The following SGIP1 variants were observed in gnomAD, a reference collection of about 807,000 sequenced individuals.
The protein encoded by SGIP1 is SH3GL interacting endocytic adaptor 1.
A neutral mutation model predicts 107.5 loss-of-function variants in SGIP1; 38 were observed. That is an observed-to-expected ratio of 0.35 (90% CI 0.27 to 0.46). SGIP1 has a LOEUF of 0.46. SGIP1 is among the 20% of genes least tolerant of loss of function. The pLI, the probability that SGIP1 is intolerant of heterozygous loss-of-function variation, is 1.00. For missense variants in SGIP1, 929 were observed against 1,019.5 expected, an observed-to-expected ratio of 0.91 and a Z score of 1.21; for synonymous variants, 365 against 366.1, an observed-to-expected ratio of 1.00 and a Z score of 0.03.
intron 3 of SGIP1, chr1:66,633,955 C>A: frequency 1.4e-6 from 1 of 737,888 alleles, no homozygotes; most frequent in South Asian, 1.8e-5. Context: ...TCCTTCCACA[C>A]TTGACTCAAG....
chr1:66,563,502 C>G (rs2059244163), intron 1 of SGIP1, among the ~76,000 whole-genome samples: 1 of 152,016 alleles, frequency 6.6e-6, no homozygotes, highest in Non-Finnish European at 1.5e-5. Context: ...GACTGTGACC[C>G]TGGCTCTCCA....
At chr1:66,734,528 A>G (rs2150651563) in intron 21 of SGIP1, among the ~76,000 whole-genome samples, 1 of 145,648 alleles carries the variant, frequency 6.9e-6, no homozygotes, top group African/African-American at 2.5e-5. Flanking sequence ...TTTTTGAGAC[A>G]GAGTCTCACC....
rs759541250 is a variant in SGIP1, at chr1:66,750,606, CAA to C, written c.*7512_*7513del. Among the ~76,000 whole-genome samples, 24 of 152,172 alleles carry C rather than the reference CAA, an allele frequency of 1.6e-4. No homozygotes were observed. Among genetic ancestry groups the C allele is most frequent in the Admixed American group, 2.6e-4 (4 of 15,282 alleles). On this transcript the variant is annotated 3_prime_UTR_variant, in exon 25 of 25. Coordinates refer to ENST00000371037, the MANE Select transcript of SGIP1 (RefSeq NM_032291.4). Reference sequence around the variant, plus strand: ...TTACAAAACTGTGAATTAAAATACTCAAGATACTTTCAAAATTTAGTCAAAAT... The same window carrying C: ...TTACAAAACTGTGAATTAAAATACTCGATACTTTCAAAATTTAGTCAAAAT...
intron 9 of SGIP1, among the ~76,000 whole-genome samples, chr1:66,670,240 C>G (rs1306434484): frequency 6.6e-6 from 1 of 152,218 alleles, no homozygotes; most frequent in East Asian, 1.9e-4. Flanking sequence ...AACTCTTAAT[C>G]TAATCAATCC....
chr1:66,566,651 A>G (rs2059681634), intron 1 of SGIP1, among the ~76,000 whole-genome samples: 1 of 151,950 alleles, frequency 6.6e-6, no homozygotes, highest in South Asian at 2.1e-4. Flanking sequence ...TATAAAACAT[A>G]GAATGTTTTA....
chr1:66,617,276 A>G (rs1409862110), intron 1 of SGIP1, among the ~76,000 whole-genome samples: 4 of 152,100 alleles, frequency 2.6e-5, no homozygotes, highest in African/African-American at 9.7e-5. Flanking sequence ...CATCTCTTAT[A>G]CCCTAGGCAG....
chr1:66,740,594 A>AG, intron 22 of SGIP1, 64 bp from the exon 23 acceptor site: 1 of 1,012,484 alleles, frequency 9.9e-7, no homozygotes, highest in Non-Finnish European at 1.5e-6. Flanking sequence ...TGGAAAAAAA[A>AG]CATGGCATCC....
intron 1 of SGIP1, among the ~76,000 whole-genome samples, chr1:66,577,640 C>T (rs1286625012): frequency 1.3e-5 from 2 of 151,960 alleles, no homozygotes; most frequent in South Asian, 2.1e-4. Context: ...AAGCATGATT[C>T]CAGGGATTTG....
At chr1:66,650,062 C>G (rs1402265358) in intron 7 of SGIP1, among the ~76,000 whole-genome samples, 1 of 152,092 alleles carries the variant, frequency 6.6e-6, no homozygotes, top group East Asian at 1.9e-4. Context: ...GCTATAGAGC[C>G]TAGGGCACAT....
Position 66,739,549 on chromosome 1 carries a change from C to T in SGIP1, c.2234+12C>T, listed in dbSNP as rs1039025190. ...CCACCAGCAGTCTGGTATGAAGCCTCCTATTCTCTCCACCAAAGGGCTCCT... is the reference window on the plus strand; with the variant it reads ...CCACCAGCAGTCTGGTATGAAGCCTTCTATTCTCTCCACCAAAGGGCTCCT... On this transcript the variant is annotated intron_variant, in intron 22 of 24. Coordinates refer to ENST00000371037, the MANE Select transcript of SGIP1 (RefSeq NM_032291.4). The T allele has an allele frequency of 6.2e-7, 1 of 1,612,952 alleles. No individual in the cohort carries two copies. Among genetic ancestry groups the T allele is most frequent in the Non-Finnish European group, 8.5e-7 (1 of 1,179,962 alleles).
At chr1:66,648,471 T>A (rs973727544) in intron 7 of SGIP1, among the ~76,000 whole-genome samples, 6 of 152,268 alleles carry the variant, frequency 3.9e-5, no homozygotes, top group Admixed American at 1.3e-4. Flanking sequence ...CCCTCCAGTT[T>A]TACAACCATC....
chr1:66,587,459 T>A (rs1013562793), intron 1 of SGIP1, among the ~76,000 whole-genome samples: 1 of 152,130 alleles, frequency 6.6e-6, no homozygotes, highest in Non-Finnish European at 1.5e-5. Context: ...TATTGAGCCA[T>A]CCACTGAGCT....
At chr1:66,716,776 AG>A (rs2093269419) in intron 18 of SGIP1, among the ~76,000 whole-genome samples, 1 of 152,156 alleles carries the variant, frequency 6.6e-6, no homozygotes, top group African/African-American at 2.4e-5. Flanking sequence ...ATTATCAAAA[AG>A]GAATTATGAT....
chr1:66,535,441 C>T, intron 1 of SGIP1, among the ~76,000 whole-genome samples: 1 of 152,144 alleles, frequency 6.6e-6, no homozygotes, highest in East Asian at 1.9e-4. Context: ...TTAACTATTC[C>T]TTAGAAATTT....
At chr1:66,602,873 G>A (rs1411621870) in intron 1 of SGIP1, among the ~76,000 whole-genome samples, 1 of 152,110 alleles carries the variant, frequency 6.6e-6, no homozygotes, top group Non-Finnish European at 1.5e-5. Context: ...AACTTAGGAA[G>A]AATATTTTAC....
chr1:66,551,535 G>C (rs1195294462), intron 1 of SGIP1, among the ~76,000 whole-genome samples: 4 of 152,056 alleles, frequency 2.6e-5, no homozygotes, highest in African/African-American at 9.7e-5. Context: ...TGTAGTTAAG[G>C]CTTAACACTT....
At chr1:66,628,987 C>T (rs927728493) in intron 2 of SGIP1, among the ~76,000 whole-genome samples, 5 of 152,326 alleles carry the variant, frequency 3.3e-5, no homozygotes, top group African/African-American at 1.2e-4. Context: ...CTCCCTAATG[C>T]TTTCGTGAAC....
chr1:66,586,114 AT>A (rs2062574840), intron 1 of SGIP1, among the ~76,000 whole-genome samples: 6 of 151,996 alleles, frequency 3.9e-5, no homozygotes, highest in Admixed American at 3.9e-4. Flanking sequence ...GCCTTCAGCA[AT>A]TTTTCTTGTT....
intron 18 of SGIP1, among the ~76,000 whole-genome samples, chr1:66,699,970 T>C (rs2091629343): frequency 1.3e-5 from 2 of 152,182 alleles, no homozygotes; most frequent in African/African-American, 4.8e-5. Context: ...GTATTTACCA[T>C]GTGTAAAGCA....
Sources: allele counts gnomAD v4.1 joint callset (sites outside exome capture counted in the v4.1 genomes callset), GRCh38; gene constraint gnomAD v4.1.1; transcripts MANE v1.5; gene names NCBI Gene and HGNC (gene_info 2026-07-23, HGNC 2026-07-21).